SLC16A7: variants seen among roughly 807,000 people sequenced by gnomAD.
SLC16A7 encodes solute carrier family 16 member 7.
SLC16A7 carries 33 observed loss-of-function variants against 34.9 expected under a neutral mutation model. That is an observed-to-expected ratio of 0.94 (90% CI 0.72 to 1.26). The LOEUF is 1.26. SLC16A7 is among the 50% of genes most tolerant of loss of function. The pLI, the probability that SLC16A7 is intolerant of heterozygous loss-of-function variation, is 0.00. For missense variants in SLC16A7, 573 were observed against 578.1 expected (o/e 0.99, Z 0.09); for synonymous variants, 201 against 206.6 (o/e 0.97, Z 0.23).
intron 2 of SLC16A7, among the ~76,000 whole-genome samples, chr12:59,668,787 T>C (rs1055720723): frequency 6.6e-6 from 1 of 152,138 alleles, no homozygotes; most frequent in Non-Finnish European, 1.5e-5. Context: ...CCCATTCAAA[T>C]CTCAAATTTT....
intron 2 of SLC16A7, among the ~76,000 whole-genome samples, chr12:59,700,003 C>A (rs3932175): frequency 6.6e-6 from 1 of 151,598 alleles, no homozygotes; most frequent in Non-Finnish European, 1.5e-5. Context: ...GAAGTGCTTT[C>A]TAGCATTCCT....
intron 1 of SLC16A7, among the ~76,000 whole-genome samples, chr12:59,624,878 C>T (rs1361472513): frequency 2.6e-5 from 4 of 151,472 alleles, no homozygotes; most frequent in African/African-American, 9.7e-5. Flanking sequence ...TTTCTACCTC[C>T]GTCTGGCCCT....
At chr12:59,650,184 C>T (rs552263410) in intron 1 of SLC16A7, among the ~76,000 whole-genome samples, 45 of 151,590 alleles carry the variant, frequency 3.0e-4, no homozygotes, top group African/African-American at 1.1e-3. Context: ...ATAACTGTAA[C>T]GAAAATTTAA....
intron 5 of SLC16A7, among the ~76,000 whole-genome samples, chr12:59,777,400 A>ATGAT (rs1401571064): frequency 6.6e-6 from 1 of 152,094 alleles, no homozygotes; most frequent in African/African-American, 2.4e-5. Flanking sequence ...ATATTTTTGA[A>ATGAT]TGATTGAATA....
chr12:59,698,779 G>A lies in SLC16A7; in HGVS notation c.-30-5993G>A, dbSNP rs558255306. Among the ~76,000 whole-genome samples, 20 of 151,842 alleles carry A rather than the reference G, an allele frequency of 1.3e-4. No homozygotes were observed. In the South Asian group the frequency reaches 3.9e-3, roughly 30 times the overall value. Reference sequence around the variant, plus strand: ...TCTGTAGAAATGCCAAACCATGGATGCTCTTTATAGGCCAGAGGAGGATAT... The same window carrying A: ...TCTGTAGAAATGCCAAACCATGGATACTCTTTATAGGCCAGAGGAGGATAT... On this transcript the variant is annotated intron_variant, in intron 2 of 5. Transcript: ENST00000547379.
chr12:59,671,400 A>G lies in SLC16A7; in HGVS notation c.-31+16150A>G, dbSNP rs150188448. ...TTGATATACATTCCTCTATTGATCT[A>G]ATTTTTGACTCTTATGTATCATGCT... On this transcript the variant is annotated intron_variant, in intron 2 of 5. Coordinates refer to ENST00000547379, the MANE Select transcript of SLC16A7 (RefSeq NM_001270623.2). Among the ~76,000 whole-genome samples, 27 of 152,124 alleles carry G rather than the reference A, an allele frequency of 1.8e-4. No homozygotes were observed. The East Asian group carries it at 4.8e-3, about 27-fold the overall frequency.
chr12:59,627,214 C>A (rs893238259), intron 1 of SLC16A7, among the ~76,000 whole-genome samples: 12 of 151,700 alleles, frequency 7.9e-5, no homozygotes, highest in African/African-American at 2.9e-4. Context: ...GTGAATTAAG[C>A]CAGAAATAAT....
At chr12:59,712,640 A>G (rs1321373752) in intron 3 of SLC16A7, among the ~76,000 whole-genome samples, 1 of 152,218 alleles carries the variant, frequency 6.6e-6, no homozygotes, top group East Asian at 1.9e-4. Context: ...TCCTCAAGAA[A>G]AACATTCAGA....
intron 1 of SLC16A7, among the ~76,000 whole-genome samples, chr12:59,614,583 C>T (rs1369899560): frequency 6.6e-6 from 1 of 151,740 alleles, no homozygotes; most frequent in East Asian, 1.9e-4. Flanking sequence ...TCAAAATCTA[C>T]ATGTTGATGA....
chr12:59,729,742 G>T (rs1312469439), intron 3 of SLC16A7, among the ~76,000 whole-genome samples: 1 of 152,032 alleles, frequency 6.6e-6, no homozygotes, highest in Non-Finnish European at 1.5e-5. Context: ...GTCTTCATTT[G>T]TCACTTAAAA....
chr12:59,682,927 G>A (rs145925213), intron 2 of SLC16A7, among the ~76,000 whole-genome samples: 10,820 of 152,034 alleles, frequency 0.071, 431 homozygotes, highest in Middle Eastern at 0.17. Context: ...TTAGCCAGGC[G>A]TGGTGGTGGG....
intron 2 of SLC16A7, among the ~76,000 whole-genome samples, chr12:59,671,845 GTATA>G (rs746613192): frequency 1.4e-4 from 15 of 107,330 alleles, no homozygotes; most frequent in African/African-American, 5.8e-4. Context: ...GTATATATGT[GTATA>G]TATATGTGTA....
chr12:59,705,008 G>A lies in SLC16A7; in HGVS notation c.207G>A (p.Met69Ile), dbSNP rs1270096064. 9 of 1,604,696 alleles carry A rather than the reference G, an allele frequency of 5.6e-6. No homozygotes were observed. Among genetic ancestry groups the A allele is most frequent in the Admixed American group, 1.7e-5 (1 of 59,984 alleles). ...TTTCATCCATTATGCTGGCTGTTAT[G>A]TACGCAGGAGGTAAGCTTCTTGCAA... ...AWISSIMLAV[M>I]YAGGPVSSVL... is the part of the protein sequence containing the mutation. Residue 69 changes from methionine (M) to isoleucine (I), a missense_variant, in exon 3 of 6, where the codon ATG (methionine) becomes ATA (isoleucine). Physicochemically the swap from Met to Ile is conservative, Grantham distance 10. Coordinates refer to ENST00000547379, the MANE Select transcript of SLC16A7 (RefSeq NM_001270623.2).
intron 1 of SLC16A7, among the ~76,000 whole-genome samples, chr12:59,599,382 T>C (rs1878577922): frequency 6.6e-6 from 1 of 152,158 alleles, no homozygotes; most frequent in South Asian, 2.1e-4. Context: ...ATCTAGTTTA[T>C]GATGCTCATT....
At chr12:59,679,192 A>T (rs113251165) in intron 2 of SLC16A7, among the ~76,000 whole-genome samples, 10,838 of 152,172 alleles carry the variant, frequency 0.071, 430 homozygotes, top group Middle Eastern at 0.17. Context: ...TGCCTCCAGC[A>T]CCCAAGAGCA....
At chr12:59,628,931 C>T (rs1880056307) in intron 1 of SLC16A7, among the ~76,000 whole-genome samples, 1 of 151,738 alleles carries the variant, frequency 6.6e-6, no homozygotes. Context: ...GCGTGGGCTG[C>T]TATAATGAAA....
intron 3 of SLC16A7, among the ~76,000 whole-genome samples, chr12:59,769,815 G>GA (rs1256249705): frequency 6.6e-6 from 1 of 151,986 alleles, no homozygotes; most frequent in African/African-American, 2.4e-5. Context: ...AGTATTAGCT[G>GA]AAAAATTATG....
At chr12:59,714,987 G>C (rs1228802943) in intron 3 of SLC16A7, among the ~76,000 whole-genome samples, 2 of 152,160 alleles carry the variant, frequency 1.3e-5, no homozygotes, top group Non-Finnish European at 2.9e-5. Context: ...GATACATTAA[G>C]TGTTAGGGCT....
At chr12:59,605,400 T>G (rs1292226392) in intron 1 of SLC16A7, among the ~76,000 whole-genome samples, 1 of 152,020 alleles carries the variant, frequency 6.6e-6, no homozygotes, top group Non-Finnish European at 1.5e-5. Flanking sequence ...ACGTGGGAGG[T>G]GGCAAGACTC....
Sources: allele counts gnomAD v4.1 joint callset (sites outside exome capture counted in the v4.1 genomes callset), GRCh38; gene constraint gnomAD v4.1.1; transcripts MANE v1.5; gene names NCBI Gene and HGNC (gene_info 2026-07-23, HGNC 2026-07-21).